Variants in HMX1 observed in about 807,000 individuals in gnomAD.
The protein encoded by HMX1 is H6 family homeobox 1, also known as homeobox protein HMX1.
Under a neutral mutation model 8.9 loss-of-function variants are expected in HMX1, and 8 were observed. That is an observed-to-expected ratio of 0.90 (90% CI 0.53 to 1.63). The LOEUF (loss-of-function observed/expected upper bound fraction) is 1.63. Ranked by LOEUF, HMX1 falls within the 40% of genes most tolerant of loss-of-function variation. The probability of loss-of-function intolerance (pLI) is 0.00; values close to 1 mark genes in which losing one functional copy is unlikely to be tolerated. For synonymous variants in HMX1, 311 were observed against 283.4 expected, an observed-to-expected ratio of 1.10 and a Z score of -0.98; for missense variants, 621 against 558.5, an observed-to-expected ratio of 1.11 and a Z score of -1.13.
downstream of HMX1, among the ~76,000 whole-genome samples, chr4:8,863,183 G>A (rs1265519953): frequency 2.0e-5 from 3 of 152,216 alleles, no homozygotes; most frequent in Non-Finnish European, 4.4e-5. Flanking sequence ...CAGCGCAGGA[G>A]TAGCCCGCTG....
At chr4:8,858,545 G>T in intron 1 of HMX1, among the ~76,000 whole-genome samples, 1 of 152,196 alleles carries the variant, frequency 6.6e-6, no homozygotes, top group East Asian at 1.9e-4. Flanking sequence ...GTCCATTCGG[G>T]AGAGAGAGGT....
intron 1 of HMX1, among the ~76,000 whole-genome samples, chr4:8,857,247 G>A (rs753100734): frequency 7.9e-5 from 12 of 152,190 alleles, no homozygotes; most frequent in Non-Finnish European, 1.3e-4. Context: ...GGGGTTGGAC[G>A]CCGTCCCCAC....
At chr4:8,865,384 GC>G (rs1721962080), downstream of HMX1, among the ~76,000 whole-genome samples, 2 of 152,184 alleles carry the variant, frequency 1.3e-5, no homozygotes, top group African/African-American at 4.8e-5. Context: ...AGTCTGAGTA[GC>G]ATCGCCGTTG....
downstream of HMX1, among the ~76,000 whole-genome samples, chr4:8,866,796 TC>T (rs764444299): frequency 6.6e-6 from 1 of 152,146 alleles, no homozygotes; most frequent in Non-Finnish European, 1.5e-5. Flanking sequence ...CAGTCAAGGC[TC>T]TAGAACTTGG....
rs555111662 is a variant in HMX1, at chr4:8,871,208, C to G, written c.394+13G>C. On this transcript the variant is annotated intron_variant, in intron 1 of 1. Coordinates refer to ENST00000400677, the MANE Select transcript of HMX1 (RefSeq NM_018942.3). This position sits in a 1 kb window ranked among gnomAD's most constrained non-coding sequence, Gnocchi z 4.8. ...CCCACCGCCTGACCCACCCTCCCCG[C>G]GCCCTCACTCACTGTCAGGACTGAG... 6.8e-5 allele frequency: 97 copies of G among 1,419,536 alleles called. No homozygotes were observed. The African/African-American group carries it at 1.3e-3, about 19-fold the overall frequency. The allele number at this position is 1,419,536 out of a possible 1,614,324, so 87.9% of individuals were successfully genotyped here. A position where few individuals can be genotyped will look rare whatever the true frequency, so the allele number is the denominator to read the frequency against.
At position 8,870,876 on chromosome 4, in the gene HMX1, C is replaced by G. The variant is rs1224451132; in HGVS notation, c.394+345G>C. 6.7e-6 allele frequency among the ~76,000 whole-genome samples: 1 copy of G among 148,828 alleles called. No individual in the cohort carries two copies. Among genetic ancestry groups the G allele is most frequent in the East Asian group, 2.0e-4 (1 of 4,976 alleles). The stretch of plus-strand genomic sequence containing the variant: ...TCCCATTTTCTTTCTCAGCCTCTTT[C>G]GCCTTCTCCTGTATCTTTCCCTATC... On this transcript the variant is annotated intron_variant, in intron 1 of 1. Coordinates refer to ENST00000400677, the MANE Select transcript of HMX1 (RefSeq NM_018942.3). The surrounding 1 kb of genome is among the most constrained non-coding windows in gnomAD (Gnocchi z 4.4).
chr4:8,864,045 G>A (rs1721915385), downstream of HMX1, among the ~76,000 whole-genome samples: 1 of 152,230 alleles, frequency 6.6e-6, no homozygotes. Context: ...GCCAGCTCCA[G>A]TGGGGATTCA....
At chr4:8,862,970 G>A (rs1721877234), downstream of HMX1, among the ~76,000 whole-genome samples, 2 of 152,164 alleles carry the variant, frequency 1.3e-5, no homozygotes, top group Non-Finnish European at 2.9e-5. Context: ...TTTCCCTCCA[G>A]GGCAGTCATT....
chr4:8,865,001 A>G (rs1234802512), downstream of HMX1, among the ~76,000 whole-genome samples: 1 of 152,216 alleles, frequency 6.6e-6, no homozygotes, highest in East Asian at 1.9e-4. Flanking sequence ...AGGCTTGGTG[A>G]CCGGTTCCAT....
chr4:8,857,388 G>A (rs1485565218), intron 1 of HMX1, among the ~76,000 whole-genome samples: 5 of 152,044 alleles, frequency 3.3e-5, no homozygotes, highest in South Asian at 2.1e-4. Flanking sequence ...CCCCAGGTAG[G>A]AGGCAGGAGG....
At position 8,847,529 on chromosome 4, in the gene HMX1, C is replaced by A. The variant is rs889846563; in HGVS notation, c.395-1205G>T. ...GCTGGGCCGGGCACAACTCCTGTCC[C>A]GAGAGCAGGCGGACCTGAAGGAACA... On this transcript the variant is annotated intron_variant, in intron 1 of 1. Transcript: ENST00000506970. The surrounding 1 kb of genome is among the most constrained non-coding windows in gnomAD (Gnocchi z 6.0). Among the ~76,000 whole-genome samples the A allele has an allele frequency of 2.0e-5, 3 of 152,180 alleles. No homozygotes were observed. The highest frequency in any genetic ancestry group is 7.2e-5 in the African/African-American group (3 of 41,462).
At chr4:8,864,770 A>G (rs1424948360), downstream of HMX1, among the ~76,000 whole-genome samples, 1 of 152,150 alleles carries the variant, frequency 6.6e-6, no homozygotes, top group Non-Finnish European at 1.5e-5. Flanking sequence ...CTCTCTTAAC[A>G]GTGTTCCAGG....
chr4:8,857,285 G>A (rs1011717907), intron 1 of HMX1, among the ~76,000 whole-genome samples: 2 of 152,156 alleles, frequency 1.3e-5, no homozygotes, highest in African/African-American at 4.8e-5. Context: ...CCTCCAGGCC[G>A]CCAACCTCGC....
chr4:8,850,043 G>A (rs1005124768), intron 1 of HMX1, among the ~76,000 whole-genome samples: 1 of 152,174 alleles, frequency 6.6e-6, no homozygotes, highest in Non-Finnish European at 1.5e-5. Flanking sequence ...CCCATGTGCC[G>A]AAGAGTGTCT....
Position 8,868,439 on chromosome 4 carries a change from C to T in HMX1, c.395-94G>A. The T allele has an allele frequency of 2.1e-6, 2 of 968,912 alleles. No individual in the cohort carries two copies. Among genetic ancestry groups the T allele is most frequent in the Non-Finnish European group, 1.3e-6 (1 of 742,308 alleles). The allele number at this position is 968,912 out of a possible 1,614,324, so 60.0% of individuals were successfully genotyped here. A position where few individuals can be genotyped will look rare whatever the true frequency, so the allele number is the denominator to read the frequency against. ...GCCGTCCCCACCTTGAGGTCGCTCA[C>T]AGCCACAAGCAGGAAGACCTTCCAG... On this transcript the variant is annotated intron_variant, in intron 1 of 1. Coordinates refer to ENST00000400677, the MANE Select transcript of HMX1 (RefSeq NM_018942.3). The surrounding 1 kb of genome is among the most constrained non-coding windows in gnomAD (Gnocchi z 4.6).
rs897981508 is a variant in HMX1 at position 8,867,386 on chromosome 4, G to A, written c.*307C>T. ...GCAGCTGCCCCGGGTGGCCATGGCC[G>A]ACCGCTCCTCGCTGAGGCCGGGGGG... On this transcript the variant is annotated 3_prime_UTR_variant, in exon 2 of 2. Coordinates refer to ENST00000400677, the MANE Select transcript of HMX1 (RefSeq NM_018942.3). 4 of 1,051,708 alleles carry A rather than the reference G, an allele frequency of 3.8e-6. No homozygotes were observed. The highest frequency in any genetic ancestry group is 7.2e-5 in the East Asian group (1 of 13,902). 65.1% of individuals were successfully genotyped at this position (1,051,708 alleles called of 1,614,324 possible).
intron 1 of HMX1, among the ~76,000 whole-genome samples, chr4:8,869,558 C>T (rs919236649): frequency 6.6e-6 from 1 of 152,242 alleles, no homozygotes; most frequent in Non-Finnish European, 1.5e-5. Flanking sequence ...GGCTTCTGTG[C>T]GTGGTTCCAG....
At chr4:8,850,421 C>A (rs535392038) in intron 1 of HMX1, among the ~76,000 whole-genome samples, 3 of 152,222 alleles carry the variant, frequency 2.0e-5, no homozygotes, top group African/African-American at 7.2e-5. Context: ...CTCATTGTGG[C>A]CCCTCCAAGC....
intron 1 of HMX1, among the ~76,000 whole-genome samples, chr4:8,860,202 G>T (rs1333023265): frequency 6.6e-6 from 1 of 152,216 alleles, no homozygotes; most frequent in Non-Finnish European, 1.5e-5. Flanking sequence ...GCGCCAAATG[G>T]AAGTGGGGGC....
Sources: gnomAD v4.1 joint callset for allele counts (sites outside exome capture counted in the v4.1 genomes callset) on GRCh38, gnomAD v4.1.1 for gene constraint, Gnocchi (gnomAD v3.1) non-coding constraint, MANE v1.5 for transcripts, NCBI Gene and HGNC (gene_info 2026-07-23, HGNC 2026-07-21) for gene names.